The following MEOX1 variants were observed in gnomAD, a reference collection of about 807,000 sequenced individuals.
MEOX1 encodes the protein mesenchyme homeobox 1, also known as homeobox protein MOX-1.
Under a neutral mutation model 23.2 loss-of-function variants are expected in MEOX1, and 17 were observed. The ratio of observed to expected loss-of-function variants is 0.73; its 90% CI spans 0.50 to 1.10. MEOX1 has a LOEUF of 1.10. MEOX1 is among the 50% of genes least tolerant of loss of function. The pLI, the probability that MEOX1 is intolerant of heterozygous loss-of-function variation, is 0.00. For synonymous variants in MEOX1, 134 were observed against 135.1 expected (o/e 0.99, Z 0.06); for missense variants, 333 against 332.2 (o/e 1.00, Z -0.02).
At chr17:43,643,034 C>T (rs1366610690) in intron 2 of MEOX1, among the ~76,000 whole-genome samples, 2 of 152,140 alleles carry the variant, frequency 1.3e-5, no homozygotes, top group African/African-American at 4.8e-5. Context: ...AGGGGCCGGG[C>T]GCAGTGGCTC....
At chr17:43,650,537 G>A (rs1972894621) in intron 1 of MEOX1, among the ~76,000 whole-genome samples, 2 of 152,206 alleles carry the variant, frequency 1.3e-5, no homozygotes, top group South Asian at 2.1e-4. Flanking sequence ...GCCCTCGGGG[G>A]AGGATGAGTA....
chr17:43,646,312 T>C (rs1361627529), intron 1 of MEOX1, among the ~76,000 whole-genome samples: 1 of 152,030 alleles, frequency 6.6e-6, no homozygotes, highest in African/African-American at 2.4e-5. Context: ...CGCCCCCTCC[T>C]GGCAGCGGGC....
chr17:43,653,429 C>T (rs141307312), intron 1 of MEOX1, among the ~76,000 whole-genome samples: 20 of 152,010 alleles, frequency 1.3e-4, no homozygotes, highest in African/African-American at 4.1e-4. Flanking sequence ...CGTGAGCCAC[C>T]GCATCCAGCC....
At chr17:43,657,752 T>C (rs739769) in intron 1 of MEOX1, among the ~76,000 whole-genome samples, 107,645 of 152,022 alleles carry the variant, frequency 0.71, 38,359 homozygotes, top group East Asian at 0.87. Context: ...CCAGAAGTTC[T>C]CTAGACTCAG....
Position 43,661,876 on chromosome 17 carries a change from G to A in MEOX1, c.-342C>T. ...CTGTCCCAACCCAGACGCACCAGCT[G>A]ACGAGGAGTTCGTCCTGGAGCCCAG... On this transcript the variant is annotated 5_prime_UTR_variant, in exon 1 of 3. Transcript: ENST00000318579. The A allele has an allele frequency of 4.8e-6, 1 of 208,926 alleles. No homozygotes were observed. The allele number at this position is 208,926 out of a possible 1,614,324, so 12.9% of individuals were successfully genotyped here. A position where few individuals can be genotyped will look rare whatever the true frequency, so the allele number is the denominator to read the frequency against.
At chr17:43,651,553 A>G (rs1012416215) in intron 1 of MEOX1, among the ~76,000 whole-genome samples, 7 of 76,668 alleles carry the variant, frequency 9.1e-5, no homozygotes, top group East Asian at 3.2e-4. Context: ...AACAAGGGGG[A>G]AAAAAAAAGA....
chr17:43,645,171 CT>C (rs869205502), intron 1 of MEOX1, among the ~76,000 whole-genome samples: 2,250 of 99,770 alleles, frequency 0.023, 6 homozygotes, highest in African/African-American at 0.049. Context: ...CATTAATTAT[CT>C]TTTTTTTTTT....
At chr17:43,651,387 C>T (rs1212513155) in intron 1 of MEOX1, among the ~76,000 whole-genome samples, 1 of 151,970 alleles carries the variant, frequency 6.6e-6, no homozygotes, top group Non-Finnish European at 1.5e-5. Flanking sequence ...GAGGGGGAAG[C>T]GCAGCAGCTT....
intron 1 of MEOX1, among the ~76,000 whole-genome samples, chr17:43,660,173 C>A (rs987780441): frequency 6.6e-6 from 1 of 152,202 alleles, no homozygotes; most frequent in Non-Finnish European, 1.5e-5. Flanking sequence ...AAAAGGTGGA[C>A]AGGTATAGTG....
chr17:43,656,486 G>A (rs1430072104), intron 1 of MEOX1, among the ~76,000 whole-genome samples: 1 of 152,084 alleles, frequency 6.6e-6, no homozygotes, highest in African/African-American at 2.4e-5. Context: ...TTATACCTTA[G>A]GCAAATTTGT....
intron 2 of MEOX1, 25 bp downstream of exon 2, chr17:43,643,463 G>T: frequency 6.5e-7 from 1 of 1,544,388 alleles, no homozygotes. Context: ...GAGCAAAGAA[G>T]AGGAGGGGCC....
chr17:43,641,966 G>C lies in MEOX1; in HGVS notation c.709C>G (p.Pro237Ala), dbSNP rs779925276. The C allele has an allele frequency of 9.9e-6, 16 of 1,613,668 alleles. No individual in the cohort carries two copies. Among genetic ancestry groups the C allele is most frequent in the Non-Finnish European group, 1.4e-5 (16 of 1,179,722 alleles). ...KRVKGGQPIS[P>A]NGQDPEDGDS... ...CCATCCTCAGGGTCCTGCCCATTGG[G>C]GGAGATGGGCTGACCTCCCTTCACA... is the stretch of plus-strand genomic sequence containing the variant. The change falls in exon 3 of 3, where the codon CCC becomes GCC. Residue 237 changes from proline to alanine, a missense_variant. By Grantham distance (27) the Pro-to-Ala change is conservative. Coordinates refer to ENST00000318579, the MANE Select transcript of MEOX1 (RefSeq NM_004527.4).
chr17:43,642,674 AG>A (rs1205298258), intron 2 of MEOX1, among the ~76,000 whole-genome samples: 1 of 144,530 alleles, frequency 6.9e-6, no homozygotes, highest in Admixed American at 6.6e-5. Context: ...GGGTGGCTGA[AG>A]GGAAAGTCCA....
At chr17:43,643,698 G>A (rs981929125) in intron 1 of MEOX1, 38 bp from the exon 2 acceptor site, 17 of 1,568,740 alleles carry the variant, frequency 1.1e-5, no homozygotes, top group Middle Eastern at 1.7e-4. Flanking sequence ...GACATGGGCT[G>A]AGGGAGACTC....
chr17:43,658,176 GC>G (rs1973073580), intron 1 of MEOX1, among the ~76,000 whole-genome samples: 1 of 152,222 alleles, frequency 6.6e-6, no homozygotes. Flanking sequence ...ACTTGGGGAG[GC>G]CCAAATGCAA....
In MEOX1 at chr17:43,649,522, G is replaced by A. The variant is rs151147758; in HGVS notation, c.470-5862C>T. ...GGGTTTCTCCACGTTGGCCAGGCTCGTCTCGAACTCCTGACCTCAGGTGAT... is the reference window on the plus strand; with the variant it reads ...GGGTTTCTCCACGTTGGCCAGGCTCATCTCGAACTCCTGACCTCAGGTGAT... On this transcript the variant is annotated intron_variant, in intron 1 of 2. Coordinates refer to ENST00000318579, the MANE Select transcript of MEOX1 (RefSeq NM_004527.4). 1.6e-3 allele frequency among the ~76,000 whole-genome samples: 240 copies of A among 152,212 alleles called. 7 individuals are homozygous for A. In the East Asian group the frequency reaches 0.036, roughly 23 times the overall value.
intron 1 of MEOX1, 57 bp downstream of exon 1, chr17:43,661,009 G>C (rs890383710): frequency 2.5e-6 from 3 of 1,193,862 alleles, no homozygotes; most frequent in Admixed American, 5.4e-5. Flanking sequence ...GAGAGGGTGA[G>C]TAACTTCCCC....
chr17:43,660,309 C>T (rs1397287874), intron 1 of MEOX1, among the ~76,000 whole-genome samples: 1 of 152,206 alleles, frequency 6.6e-6, no homozygotes, highest in African/African-American at 2.4e-5. Context: ...GGGACTCCAG[C>T]ACGGACTCCC....
At chr17:43,655,701 CACTT>C (rs1973005206) in intron 1 of MEOX1, among the ~76,000 whole-genome samples, 1 of 147,624 alleles carries the variant, frequency 6.8e-6, no homozygotes, top group African/African-American at 2.5e-5. Context: ...AAAATCCTGT[CACTT>C]GCTACAACCT....
Sources: allele counts gnomAD v4.1 joint callset (sites outside exome capture counted in the v4.1 genomes callset), GRCh38; gene constraint gnomAD v4.1.1; transcripts MANE v1.5; gene names NCBI Gene and HGNC (gene_info 2026-07-23, HGNC 2026-07-21).